PEAK1: variants seen among roughly 807,000 people sequenced by gnomAD.
PEAK1 encodes the protein inactive tyrosine-protein kinase PEAK1.
PEAK1 carries 54 observed loss-of-function variants against 124.7 expected under a neutral mutation model. That is an observed-to-expected ratio of 0.43 (90% confidence interval 0.35 to 0.54). The LOEUF is 0.54. Ranked by LOEUF, PEAK1 falls within the 20% of genes least tolerant of loss-of-function variation. The pLI is 0.01. For missense variants in PEAK1, 2,046 were observed against 2,134.5 expected, an observed-to-expected ratio of 0.96 and a Z score of 0.82; for synonymous variants, 719 against 760.0, an observed-to-expected ratio of 0.95 and a Z score of 0.89.
rs1486099899 is a variant in PEAK1 at position 77,181,396 on chromosome 15, C to T, written c.531G>A (p.Leu177=). The change falls in exon 7 of 10, where the codon TTG becomes TTA. Residue 177 remains leucine (L), a synonymous_variant. Transcript: ENST00000682557. ...GNETNSRETF[L]GRINDCYKRS... ...GTTTATAGCAATCATTTATTCTTCC[C>T]AAGAATGTTTCTCTGGAGTTTGTTT... 6.2e-7 allele frequency: 1 copy of T among 1,614,094 alleles called. No individual in the cohort carries two copies. Among genetic ancestry groups the T allele is most frequent in the Non-Finnish European group, 8.5e-7 (1 of 1,179,994 alleles).
chr15:77,230,979 A>G (rs1178464414), intron 6 of PEAK1, among the ~76,000 whole-genome samples: 1 of 152,136 alleles, frequency 6.6e-6, no homozygotes, highest in African/African-American at 2.4e-5. Flanking sequence ...AAAAAAAAAG[A>G]TCTGAGACTT....
At chr15:77,385,583 C>A (rs2069858513) in intron 1 of PEAK1, among the ~76,000 whole-genome samples, 1 of 152,056 alleles carries the variant, frequency 6.6e-6, no homozygotes, top group Non-Finnish European at 1.5e-5. Flanking sequence ...TTTTTCTAAC[C>A]CAGCCCAGAT....
At position 77,263,263 on chromosome 15, in the gene PEAK1, C is replaced by G. The variant is rs1379452064; in HGVS notation, c.-274-10737G>C. ...AGAAATAACTAAGATCAGAGCAGAA[C>G]TGAAGGAAATAGACACATAAAAAAC... is the stretch of plus-strand genomic sequence containing the variant. On this transcript the variant is annotated intron_variant, in intron 5 of 9. Transcript: ENST00000682557. Among the ~76,000 whole-genome samples the G allele has an allele frequency of 3.3e-5, 5 of 152,080 alleles. No homozygotes were observed. The East Asian group carries it at 9.6e-4, about 29-fold the overall frequency.
intron 1 of PEAK1, among the ~76,000 whole-genome samples, chr15:77,414,963 A>AT (rs1185316678): frequency 4.6e-5 from 7 of 152,228 alleles, no homozygotes; most frequent in Non-Finnish European, 1.0e-4. Flanking sequence ...TGTCCTTCAG[A>AT]TATCTCTACC....
intron 9 of PEAK1, among the ~76,000 whole-genome samples, chr15:77,132,521 C>A (rs1291461811): frequency 6.6e-6 from 1 of 151,852 alleles, no homozygotes; most frequent in Non-Finnish European, 1.5e-5. Flanking sequence ...ATGGTGAAAC[C>A]CCATCTCCAC....
At chr15:77,152,645 T>A (rs2054752218) in intron 8 of PEAK1, among the ~76,000 whole-genome samples, 1 of 152,192 alleles carries the variant, frequency 6.6e-6, no homozygotes. Context: ...TAGCTCTTAT[T>A]ATTTTGAGAT....
intron 4 of PEAK1, among the ~76,000 whole-genome samples, chr15:77,284,282 T>G (rs2062811965): frequency 6.6e-6 from 1 of 152,188 alleles, no homozygotes; most frequent in African/African-American, 2.4e-5. Context: ...AATGAAGTGA[T>G]CTCTAAAGAC....
chr15:77,299,193 T>C (rs6495237), intron 2 of PEAK1, among the ~76,000 whole-genome samples: 1 of 152,032 alleles, frequency 6.6e-6, no homozygotes. Context: ...AATATCTTAA[T>C]TTTCTTCAAG....
chr15:77,307,592 G>C (rs2064174538), intron 2 of PEAK1, among the ~76,000 whole-genome samples: 2 of 152,022 alleles, frequency 1.3e-5, no homozygotes, highest in Non-Finnish European at 2.9e-5. Flanking sequence ...GAGGTCTTAT[G>C]CTAACTACCT....
At chr15:77,285,642 T>G (rs1397836670) in intron 3 of PEAK1, among the ~76,000 whole-genome samples, 1 of 152,236 alleles carries the variant, frequency 6.6e-6, no homozygotes, top group Non-Finnish European at 1.5e-5. Flanking sequence ...AAAATGAGAT[T>G]GCTATCTAGC....
In PEAK1 at chr15:77,181,096, T is replaced by C. The variant is rs1326076512; in HGVS notation, c.831A>G (p.Ala277=). Residue 277 remains alanine, a synonymous_variant, in exon 7 of 10, where the codon GCA becomes GCG. Coordinates refer to ENST00000682557, the MANE Select transcript of PEAK1 (RefSeq NM_001385026.1). ...RGQPRFANFR[A]NTLSPVRFFV... ...AGAATCGAACAGGAGACAATGTGTT[T>C]GCTCTGAAGTTGGCAAAGCGAGGTT... 2.5e-6 allele frequency: 4 copies of C among 1,614,218 alleles called. No individual in the cohort carries two copies. The highest frequency in any genetic ancestry group is 1.6e-4 in the Middle Eastern group (1 of 6,062).
At chr15:77,210,095 G>T (rs969045730) in intron 6 of PEAK1, among the ~76,000 whole-genome samples, 2 of 152,098 alleles carry the variant, frequency 1.3e-5, no homozygotes, top group African/African-American at 4.8e-5. Flanking sequence ...AGTTGTTACA[G>T]AGATCAAATA....
chr15:77,149,891 G>C (rs558893528), intron 8 of PEAK1, among the ~76,000 whole-genome samples: 23 of 152,132 alleles, frequency 1.5e-4, no homozygotes, highest in African/African-American at 5.5e-4. Context: ...TGGGACCACA[G>C]GTACATGCCT....
At chr15:77,284,480 G>GA (rs2062821906) in intron 4 of PEAK1, among the ~76,000 whole-genome samples, 1 of 152,176 alleles carries the variant, frequency 6.6e-6, no homozygotes, top group Admixed American at 6.5e-5. Flanking sequence ...GCTGGGAATT[G>GA]AAAGAACCCA....
chr15:77,251,501 T>C (rs895276291), intron 6 of PEAK1, among the ~76,000 whole-genome samples: 5 of 152,140 alleles, frequency 3.3e-5, no homozygotes, highest in Non-Finnish European at 5.9e-5. Flanking sequence ...AGAAACTAGA[T>C]GTCAAGTAAG....
chr15:77,130,928 T>C (rs1461007884), intron 9 of PEAK1, among the ~76,000 whole-genome samples: 2 of 152,178 alleles, frequency 1.3e-5, no homozygotes, highest in African/African-American at 2.4e-5. Flanking sequence ...AACAGCTCCA[T>C]AAGATGGGTG....
At chr15:77,216,787 A>C (rs1211544062) in intron 6 of PEAK1, among the ~76,000 whole-genome samples, 1 of 152,204 alleles carries the variant, frequency 6.6e-6, no homozygotes, top group Non-Finnish European at 1.5e-5. Flanking sequence ...CAAACTTGCC[A>C]CTCAACGGGG....
At chr15:77,168,844 T>C (rs772861936) in intron 7 of PEAK1, among the ~76,000 whole-genome samples, 12 of 152,132 alleles carry the variant, frequency 7.9e-5, no homozygotes, top group Admixed American at 2.0e-4. Context: ...GTGCTAGACA[T>C]AGTTGGATTC....
Position 77,176,277 on chromosome 15 carries a change from G to GA in PEAK1, c.3137+2512dup, listed in dbSNP as rs71211213. 6.2e-3 allele frequency among the ~76,000 whole-genome samples: 638 copies of GA among 103,300 alleles called. 2 individuals are homozygous for GA. Among genetic ancestry groups the GA allele is most frequent in the African/African-American group, 0.018 (496 of 28,106 alleles). The allele number at this position is 103,300 out of a possible 152,430, so 67.8% of individuals were successfully genotyped here. The stretch of plus-strand genomic sequence containing the variant: ...TAATAAGAAGAAAAAAAAAAGAAAA[G>GA]AAAAAAAAAAAGAAAAATGCTAACA... On this transcript the variant is annotated intron_variant, in intron 7 of 9. Coordinates refer to ENST00000682557, the MANE Select transcript of PEAK1 (RefSeq NM_001385026.1).
Sources: allele counts gnomAD v4.1 joint callset (sites outside exome capture counted in the v4.1 genomes callset), GRCh38; gene constraint gnomAD v4.1.1; transcripts MANE v1.5; gene names NCBI Gene and HGNC (gene_info 2026-07-23, HGNC 2026-07-21).